Variants in DAB1 observed in about 807,000 individuals in gnomAD.
The protein encoded by DAB1 is DAB adaptor protein 1.
Under a neutral mutation model 64.6 loss-of-function variants are expected in DAB1, and 15 were observed. The ratio of observed to expected loss-of-function variants is 0.23; its 90% CI spans 0.16 to 0.36. The LOEUF is 0.36. DAB1 is among the 10% of genes least tolerant of loss of function. The pLI is 1.00. For synonymous variants in DAB1, 235 were observed against 251.9 expected, an observed-to-expected ratio of 0.93 and a Z score of 0.64; for missense variants, 596 against 706.7, an observed-to-expected ratio of 0.84 and a Z score of 1.78.
intron 1 of DAB1, among the ~76,000 whole-genome samples, chr1:58,534,975 A>C (rs1047994800): frequency 6.6e-6 from 1 of 152,202 alleles, no homozygotes; most frequent in African/African-American, 2.4e-5. Flanking sequence ...TGGAGAACTT[A>C]AGATTTCATC....
chr1:58,124,248 C>T (rs1307434145), intron 5 of DAB1, among the ~76,000 whole-genome samples: 1 of 151,752 alleles, frequency 6.6e-6, no homozygotes, highest in Admixed American at 6.6e-5. Context: ...CTTATTTACC[C>T]AGACTCATAA....
At chr1:57,787,628 CA>C (rs1342704931) in intron 6 of DAB1, among the ~76,000 whole-genome samples, 17 of 151,776 alleles carry the variant, frequency 1.1e-4, no homozygotes, top group African/African-American at 3.9e-4. Flanking sequence ...TTATAGGACA[CA>C]AAAAGCATGA....
intron 1 of DAB1, among the ~76,000 whole-genome samples, chr1:57,337,961 CTT>C (rs1677231876): frequency 6.7e-6 from 1 of 148,312 alleles, no homozygotes. Flanking sequence ...TCTTCTCTCT[CTT>C]TTCTCCCTCC....
At chr1:58,525,745 A>G (rs1646338730) in intron 2 of DAB1, among the ~76,000 whole-genome samples, 1 of 152,142 alleles carries the variant, frequency 6.6e-6, no homozygotes, top group African/African-American at 2.4e-5. Context: ...TAGAAATGCA[A>G]AGATCCAAGA....
chr1:58,300,635 AGAGAGAGAGAGAGGAAGGAAGG>A lies in DAB1; in HGVS notation n.309+42695_309+42716del, dbSNP rs1423615451. ...AAGAGAGAGAGAGAGAGAGAGAGAG[AGAGAGAGAGAGAGGAAGGAAGG>A]AAGGAAGGAAGGAAGGAAGGAAGGA... On this transcript the variant is annotated intron_variant and non_coding_transcript_variant, in intron 4 of 20. Transcript: ENST00000485760. Among the ~76,000 whole-genome samples the A allele has an allele frequency of 1.2e-3, 92 of 73,920 alleles. 1 individual carries two copies. Among genetic ancestry groups the A allele is most frequent in the Middle Eastern group, 6.5e-3 (1 of 154 alleles). The allele number at this position is 73,920 out of a possible 152,430, so 48.5% of individuals were successfully genotyped here.
chr1:58,120,733 C>T (rs1652685494), intron 5 of DAB1, among the ~76,000 whole-genome samples: 1 of 152,154 alleles, frequency 6.6e-6, no homozygotes, highest in African/African-American at 2.4e-5. Flanking sequence ...TGAAGAAGAA[C>T]CACGTGTCCC....
chr1:58,048,741 T>G (rs1647415751), intron 5 of DAB1: 1 of 1,302,414 alleles, frequency 7.7e-7, no homozygotes, highest in Non-Finnish European at 1.1e-6. Flanking sequence ...TAGCCATCTC[T>G]TGCTTTGACA....
At chr1:57,457,682 A>G (rs949230664) in intron 7 of DAB1, among the ~76,000 whole-genome samples, 13 of 152,242 alleles carry the variant, frequency 8.5e-5, no homozygotes, top group Middle Eastern at 3.4e-3. Flanking sequence ...TGGTAAAAGA[A>G]CAGAACTGAC....
intron 1 of DAB1, among the ~76,000 whole-genome samples, chr1:57,419,562 C>T (rs895185965): frequency 1.3e-5 from 2 of 150,102 alleles, no homozygotes; most frequent in South Asian, 2.1e-4. Context: ...AGACCAGATA[C>T]TATTGGGATA....
intron 4 of DAB1, among the ~76,000 whole-genome samples, chr1:57,129,152 T>A (rs920016381): frequency 6.6e-6 from 1 of 152,192 alleles, no homozygotes; most frequent in Admixed American, 6.5e-5. Context: ...ATCAAGAAAA[T>A]TTCTGAGTTG....
rs778743179 is a variant in DAB1, at chr1:57,072,388, A to G, written c.333T>C (p.His111=). The change falls in exon 5 of 15, where the codon CAT becomes CAC. Residue 111 remains histidine, a synonymous_variant. Transcript: ENST00000371236. ...TGALQHHHAV[H]EISYIAKDIT... ...TGTCCTTTGCAATGTAGGATATTTC[A>G]TGAACAGCATGATGATGCTGAAGGG... The G allele has an allele frequency of 1.9e-6, 3 of 1,613,738 alleles. No individual in the cohort carries two copies. Among genetic ancestry groups the G allele is most frequent in the Admixed American group, 1.7e-5 (1 of 60,014 alleles).
At chr1:58,072,089 G>GC (rs1553157697) in intron 5 of DAB1, among the ~76,000 whole-genome samples, 1 of 126,912 alleles carries the variant, frequency 7.9e-6, no homozygotes, top group African/African-American at 2.8e-5. Context: ...GTGGGGTGGG[G>GC]GGGGGTGGGT....
chr1:57,499,381 G>A (rs1644264688), intron 7 of DAB1, among the ~76,000 whole-genome samples: 2 of 152,230 alleles, frequency 1.3e-5, no homozygotes, highest in Non-Finnish European at 2.9e-5. Context: ...AGAGGTAAGG[G>A]AGGGAGGTTG....
chr1:57,441,259 CT>C (rs374993043), intron 7 of DAB1, among the ~76,000 whole-genome samples: 57,444 of 139,338 alleles, frequency 0.41, 14,155 homozygotes, highest in Admixed American at 0.55. Flanking sequence ...CTTTTCTTTT[CT>C]TTTCTTTCTT....
intron 9 of DAB1, among the ~76,000 whole-genome samples, chr1:57,049,615 C>T (rs1451971442): frequency 1.3e-5 from 2 of 152,038 alleles, no homozygotes; most frequent in African/African-American, 2.4e-5. Flanking sequence ...CCCTGTTTGT[C>T]TCATCCCAGT....
At chr1:57,185,669 A>G (rs1258560172) in intron 2 of DAB1, among the ~76,000 whole-genome samples, 1 of 152,210 alleles carries the variant, frequency 6.6e-6, no homozygotes, top group African/African-American at 2.4e-5. Flanking sequence ...ATTAGCGCAG[A>G]TGGAAGGTGG....
intron 8 of DAB1, among the ~76,000 whole-genome samples, chr1:57,063,386 A>C (rs1650598547): frequency 6.6e-6 from 1 of 152,216 alleles, no homozygotes; most frequent in African/African-American, 2.4e-5. Context: ...AATATAGCAA[A>C]TATCAAGATC....
chr1:57,391,808 C>G (rs1042693005), intron 1 of DAB1, among the ~76,000 whole-genome samples: 2 of 136,140 alleles, frequency 1.5e-5, no homozygotes, highest in African/African-American at 5.9e-5. Context: ...CACACACACA[C>G]ACACAGAGAG....
intron 3 of DAB1, among the ~76,000 whole-genome samples, chr1:58,381,705 G>A (rs1211027512): frequency 1.3e-5 from 2 of 152,222 alleles, no homozygotes; most frequent in East Asian, 1.9e-4. Context: ...AGTAGATTGG[G>A]AGGTGGAGTA....
Sources: allele counts gnomAD v4.1 joint callset (sites outside exome capture counted in the v4.1 genomes callset), GRCh38; gene constraint gnomAD v4.1.1; transcripts MANE v1.5; gene names NCBI Gene and HGNC (gene_info 2026-07-23, HGNC 2026-07-21).